Variants in MTOR observed in about 807,000 individuals in gnomAD.
The protein encoded by MTOR is mechanistic target of rapamycin kinase, also known as serine/threonine-protein kinase mTOR.
MTOR carries 70 observed loss-of-function variants against 319.8 expected under a neutral mutation model. The observed-to-expected ratio is 0.22, with a 90% CI of 0.18 to 0.27. The LOEUF (loss-of-function observed/expected upper bound fraction) is 0.27. MTOR is among the 10% of genes least tolerant of loss of function. MTOR has a pLI of 1.00. For missense variants in MTOR, 1,890 were observed against 3,274.4 expected (o/e 0.58, Z 10.32); for synonymous variants, 1,183 against 1,211.4 (o/e 0.98, Z 0.49).
chr1:11,217,140 G>A (rs187859148), intron 19 of MTOR, among the ~76,000 whole-genome samples: 3 of 152,236 alleles, frequency 2.0e-5, no homozygotes, highest in East Asian at 1.9e-4. Flanking sequence ...GAGAGATTAT[G>A]AGCCAAAATA....
At chr1:11,221,286 C>T (rs1646651782) in intron 19 of MTOR, among the ~76,000 whole-genome samples, 2 of 152,170 alleles carry the variant, frequency 1.3e-5, no homozygotes, top group African/African-American at 4.8e-5. Flanking sequence ...TGAGCCACCA[C>T]GCTCAGCCTA....
Position 11,128,115 on chromosome 1 carries a change from G to A in MTOR, c.5922C>T (p.Tyr1974=), listed in dbSNP as rs370318222. ...IGRYHPQALI[Y]PLTVASKSTT... is the part of the protein sequence containing the mutation. ...TAGACTTAGAAGCCACTGTCAGTGG[G>A]TAGATGAGGGCCTGAGGGAAAAACA... Residue 1974 remains tyrosine, a synonymous_variant, in exon 43 of 58, where the codon TAC becomes TAT. Transcript: ENST00000361445. The surrounding 1 kb of genome is among the most constrained non-coding windows in gnomAD (Gnocchi z 5.3). 4 of 1,614,036 alleles carry A rather than the reference G, an allele frequency of 2.5e-6. No individual in the cohort carries two copies. The highest frequency in any genetic ancestry group is 2.5e-6 in the Non-Finnish European group (3 of 1,180,028).
intron 13 of MTOR, among the ~76,000 whole-genome samples, chr1:11,237,379 G>A (rs1647347874): frequency 6.6e-6 from 1 of 152,128 alleles, no homozygotes; most frequent in Non-Finnish European, 1.5e-5. Context: ...ATCACAGACT[G>A]GAGCAATGAC....
intron 31 of MTOR, among the ~76,000 whole-genome samples, chr1:11,147,701 A>G (rs1417940555): frequency 4.6e-5 from 7 of 152,206 alleles, no homozygotes; most frequent in Non-Finnish European, 8.8e-5. Context: ...CTGTGACTCA[A>G]GAGGGACAGA....
In MTOR at chr1:11,193,185, C is replaced by T. The variant is rs188680482; in HGVS notation, c.4253+6073G>A. Reference sequence around the variant, plus strand: ...TACAAAAATTAGCCCAGTGTGGTGACAGGCACTCTGGTCCCAGCTACTAGG... The same window carrying T: ...TACAAAAATTAGCCCAGTGTGGTGATAGGCACTCTGGTCCCAGCTACTAGG... On this transcript the variant is annotated intron_variant, in intron 28 of 57. Coordinates refer to ENST00000361445, the MANE Select transcript of MTOR (RefSeq NM_004958.4). 1.7e-3 allele frequency among the ~76,000 whole-genome samples: 257 copies of T among 151,922 alleles called. No homozygotes were observed. In the Middle Eastern group the frequency reaches 0.017, roughly 10 times the overall value.
chr1:11,206,223 G>A (rs957860528), intron 25 of MTOR, among the ~76,000 whole-genome samples: 13 of 152,230 alleles, frequency 8.5e-5, no homozygotes, highest in Admixed American at 7.2e-4. Context: ...ATGGGTTTGT[G>A]TGTAGCTGTA....
At chr1:11,140,232 G>T (rs192879628) in intron 34 of MTOR, among the ~76,000 whole-genome samples, 77 of 149,296 alleles carry the variant, frequency 5.2e-4, no homozygotes, top group Admixed American at 4.1e-3. Context: ...TACTGTGAGT[G>T]AAATACCCTT....
At chr1:11,135,278 G>C (rs945515204) in intron 36 of MTOR, among the ~76,000 whole-genome samples, 1 of 152,042 alleles carries the variant, frequency 6.6e-6, no homozygotes, top group Non-Finnish European at 1.5e-5. Flanking sequence ...TTTTTCTAGA[G>C]GGGGGAAAAC....
intron 38 of MTOR, chr1:11,132,116 A>G (rs757552198): frequency 2.0e-5 from 3 of 152,232 alleles, no homozygotes; most frequent in Admixed American, 1.3e-4. Context: ...CCACATTAGG[A>G]AAAGCTTTTA....
chr1:11,108,492 T>A (rs984452662), intron 56 of MTOR, among the ~76,000 whole-genome samples: 1 of 151,520 alleles, frequency 6.6e-6, no homozygotes, highest in Admixed American at 6.6e-5. Flanking sequence ...GGCAGGCAGA[T>A]CACCTGAGGT....
chr1:11,171,293 T>C (rs1040012973), intron 28 of MTOR, among the ~76,000 whole-genome samples: 2 of 152,040 alleles, frequency 1.3e-5, no homozygotes, highest in African/African-American at 4.8e-5. Flanking sequence ...CTTTCTTTCT[T>C]TTTTAAAGAG....
In MTOR at chr1:11,133,018, C is replaced by T; in HGVS notation, c.5364+62G>A. The T allele has an allele frequency of 7.2e-7, 1 of 1,398,542 alleles. No individual in the cohort carries two copies. Among genetic ancestry groups the T allele is most frequent in the Non-Finnish European group, 1.0e-6 (1 of 987,412 alleles). The allele number at this position is 1,398,542 out of a possible 1,614,324, so 86.6% of individuals were successfully genotyped here. On this transcript the variant is annotated intron_variant, in intron 38 of 57. Coordinates refer to ENST00000361445, the MANE Select transcript of MTOR (RefSeq NM_004958.4). This position sits in a 1 kb window ranked among gnomAD's most constrained non-coding sequence, Gnocchi z 4.0. ...GCAGAAGCTCAGCTGTAACCACGAG[C>T]ACACAGGAGGACACGAGCCAGCCAG...
At chr1:11,256,243 T>C in intron 4 of MTOR, 51 bp from the exon 5 acceptor site, 1 of 1,573,754 alleles carries the variant, frequency 6.4e-7, no homozygotes, top group Non-Finnish European at 8.6e-7. Flanking sequence ...AGTTTTGTTC[T>C]CTCAGGAGTA....
At chr1:11,215,891 C>T (rs867048449) in intron 20 of MTOR, among the ~76,000 whole-genome samples, 2 of 152,152 alleles carry the variant, frequency 1.3e-5, no homozygotes, top group South Asian at 4.1e-4. Flanking sequence ...AGGCAAATAA[C>T]CCAATTGTCT....
chr1:11,175,359 C>T (rs898831253), intron 28 of MTOR, among the ~76,000 whole-genome samples: 2 of 152,156 alleles, frequency 1.3e-5, no homozygotes, highest in African/African-American at 4.8e-5. Flanking sequence ...CTCCACTCTC[C>T]CCACCCCAGC....
At chr1:11,249,240 G>A (rs947686415) in intron 6 of MTOR, among the ~76,000 whole-genome samples, 1 of 152,026 alleles carries the variant, frequency 6.6e-6, no homozygotes, top group Non-Finnish European at 1.5e-5. Context: ...CCAGGGGAGG[G>A]GGGTTGGGGA....
chr1:11,193,660 G>C (rs750295868), intron 28 of MTOR: 1 of 1,614,020 alleles, frequency 6.2e-7, no homozygotes, highest in South Asian at 1.1e-5. Context: ...CCTTCTACCG[G>C]GACTGGAAGC....
At chr1:11,207,215 C>T (rs1646163552) in intron 25 of MTOR, among the ~76,000 whole-genome samples, 1 of 152,104 alleles carries the variant, frequency 6.6e-6, no homozygotes, top group South Asian at 2.1e-4. Context: ...GATCCTCCCA[C>T]CTTAGCCTCT....
intron 5 of MTOR, 125 bp from the exon 6 acceptor site, chr1:11,254,098 C>T: frequency 9.2e-7 from 1 of 1,092,372 alleles, no homozygotes; most frequent in Non-Finnish European, 1.3e-6. Context: ...TAGTGCCAGT[C>T]ATCAACAAAA....
Sources: allele counts gnomAD v4.1 joint callset (sites outside exome capture counted in the v4.1 genomes callset), GRCh38; gene constraint gnomAD v4.1.1; non-coding constraint Gnocchi (gnomAD v3.1); transcripts MANE v1.5; gene names NCBI Gene and HGNC (gene_info 2026-07-23, HGNC 2026-07-21).